RPS6KA5: variants seen among roughly 807,000 people sequenced by gnomAD.
RPS6KA5 encodes ribosomal protein S6 kinase A5, also known as ribosomal protein S6 kinase alpha-5.
RPS6KA5 carries 27 observed loss-of-function variants against 85.5 expected under a neutral mutation model. The ratio of observed to expected loss-of-function variants is 0.32; its 90% CI spans 0.23 to 0.44. The LOEUF is 0.44. Ranked by LOEUF, RPS6KA5 falls within the 20% of genes least tolerant of loss-of-function variation. The pLI, the probability that RPS6KA5 is intolerant of heterozygous loss-of-function variation, is 1.00. For missense variants in RPS6KA5, 811 were observed against 980.9 expected (o/e 0.83, Z 2.31); for synonymous variants, 334 against 348.2 (o/e 0.96, Z 0.46).
chr14:91,056,867 C>CTTTTT (rs34807092), intron 1 of RPS6KA5, among the ~76,000 whole-genome samples: 1,078 of 38,956 alleles, frequency 0.028, 184 homozygotes, highest in East Asian at 0.11. Flanking sequence ...GCAGTATTAT[C>CTTTTT]TTTTTTTTTT....
chr14:90,926,664 AGTGTGTGT>A (rs59637202), intron 5 of RPS6KA5, among the ~76,000 whole-genome samples: 10 of 143,226 alleles, frequency 7.0e-5, no homozygotes, highest in Non-Finnish European at 1.1e-4. Context: ...TATATATTTA[AGTGTGTGT>A]GTGTGTGTGT....
intron 7 of RPS6KA5, among the ~76,000 whole-genome samples, chr14:90,912,264 C>CA (rs2035866045): frequency 6.6e-6 from 1 of 152,190 alleles, no homozygotes; most frequent in Non-Finnish European, 1.5e-5. Flanking sequence ...AATTATTCAA[C>CA]AAATAGTCCA....
In RPS6KA5 at chr14:90,883,544, T is replaced by TC. The variant is rs534212503; in HGVS notation, c.1836+6942dup. Reference sequence around the variant, plus strand: ...TTGTTAATACATTTTGTCTTGATGTTCCCCACATACTCCTTTAGGTCTTTC... The same window carrying TC: ...TTGTTAATACATTTTGTCTTGATGTTCCCCCACATACTCCTTTAGGTCTTTC... On this transcript the variant is annotated intron_variant, in intron 14 of 16. Coordinates refer to ENST00000614987, the MANE Select transcript of RPS6KA5 (RefSeq NM_004755.4). 2.6e-3 allele frequency among the ~76,000 whole-genome samples: 389 copies of TC among 152,308 alleles called. 4 individuals carry two copies. Among genetic ancestry groups the TC allele is most frequent in the Non-Finnish European group, 1.5e-3 (100 of 68,036 alleles).
At chr14:90,911,975 G>C (rs2035846392) in intron 7 of RPS6KA5, among the ~76,000 whole-genome samples, 1 of 152,078 alleles carries the variant, frequency 6.6e-6, no homozygotes, top group Admixed American at 6.6e-5. Context: ...AACCTCCCAT[G>C]TGCCACTGGG....
chr14:90,953,671 T>G, intron 3 of RPS6KA5, among the ~76,000 whole-genome samples: 1 of 152,160 alleles, frequency 6.6e-6, no homozygotes, highest in Non-Finnish European at 1.5e-5. Context: ...AAGGAATGCA[T>G]TCCTGGGGTG....
At chr14:91,032,663 T>G (rs929252123) in intron 1 of RPS6KA5, among the ~76,000 whole-genome samples, 1 of 151,994 alleles carries the variant, frequency 6.6e-6, no homozygotes, top group African/African-American at 2.4e-5. Flanking sequence ...CTGAGTGAGT[T>G]TTAACAGGAA....
At chr14:90,926,343 A>G (rs1270779151) in intron 5 of RPS6KA5, among the ~76,000 whole-genome samples, 1 of 151,436 alleles carries the variant, frequency 6.6e-6, no homozygotes, top group East Asian at 1.9e-4. Flanking sequence ...GTGAGCAGAG[A>G]TCGCACCATT....
At chr14:90,947,954 G>T (rs1031902698) in intron 3 of RPS6KA5, among the ~76,000 whole-genome samples, 3 of 152,266 alleles carry the variant, frequency 2.0e-5, no homozygotes, top group African/African-American at 7.2e-5. Flanking sequence ...CCTTTCATTT[G>T]TAATAATTGC....
chr14:91,031,166 T>C (rs1422082427), intron 1 of RPS6KA5, among the ~76,000 whole-genome samples: 1 of 152,160 alleles, frequency 6.6e-6, no homozygotes, highest in African/African-American at 2.4e-5. Context: ...GAAATAAGAA[T>C]GGTATCAAAC....
At chr14:90,916,244 G>A (rs1346569268) in intron 7 of RPS6KA5, among the ~76,000 whole-genome samples, 1 of 152,134 alleles carries the variant, frequency 6.6e-6, no homozygotes, top group African/African-American at 2.4e-5. Context: ...TCCTTTCCAT[G>A]ATGGCACAAC....
In RPS6KA5 at chr14:90,875,187, C is replaced by T; in HGVS notation, c.1996+14G>A. 6.2e-7 allele frequency: 1 copy of T among 1,605,654 alleles called. No individual in the cohort carries two copies. The highest frequency in any genetic ancestry group is 1.1e-5 in the South Asian group (1 of 90,272). On this transcript the variant is annotated intron_variant, in intron 15 of 16. Transcript: ENST00000614987. Reference sequence around the variant, plus strand: ...ACACATCATATAAAATGTAAAATTTCATTAGATTCTTACCTTGGATCAAAT... The same window carrying T: ...ACACATCATATAAAATGTAAAATTTTATTAGATTCTTACCTTGGATCAAAT...
intron 2 of RPS6KA5, among the ~76,000 whole-genome samples, chr14:90,988,879 G>A (rs537952075): frequency 1.2e-3 from 187 of 152,170 alleles, no homozygotes; most frequent in Middle Eastern, 3.4e-3. Flanking sequence ...TTATGCTTAA[G>A]GTAACATACA....
At chr14:90,916,357 T>C (rs1490129313) in intron 7 of RPS6KA5, among the ~76,000 whole-genome samples, 1 of 152,182 alleles carries the variant, frequency 6.6e-6, no homozygotes, top group Non-Finnish European at 1.5e-5. Flanking sequence ...AAATTTGATA[T>C]ACTAGAAAAA....
Position 90,858,150 on chromosome 14 carries a change from A to C in RPS6KA5, c.*13924T>G, listed in dbSNP as rs998002365. ...TTTCCGGTTTAGAAAAAAAAAGTAC[A>C]GCTCACTGCCAGCATTCATTTAATT... On this transcript the variant is annotated 3_prime_UTR_variant, in exon 17 of 17. Coordinates refer to ENST00000614987, the MANE Select transcript of RPS6KA5 (RefSeq NM_004755.4). 3 of 152,242 alleles carry C rather than the reference A, an allele frequency of 2.0e-5. No homozygotes were observed. Among genetic ancestry groups the C allele is most frequent in the Non-Finnish European group, 4.4e-5 (3 of 68,042 alleles). 9.4% of individuals were successfully genotyped at this position (152,242 alleles called of 1,614,324 possible).
At chr14:90,996,617 T>G (rs1193592168) in intron 2 of RPS6KA5, among the ~76,000 whole-genome samples, 1 of 152,080 alleles carries the variant, frequency 6.6e-6, no homozygotes, top group Non-Finnish European at 1.5e-5. Flanking sequence ...TAAATAATAA[T>G]TGGGTTAATC....
In RPS6KA5 at chr14:90,864,191, G is replaced by C. The variant is rs2032701575; in HGVS notation, c.*7883C>G. ...GTCTCGCTCTGTTGCCTAGGCTAGA[G>C]TGTAGTGGCATGACCTTGGCTCACT... On this transcript the variant is annotated 3_prime_UTR_variant, in exon 17 of 17. Coordinates refer to ENST00000614987, the MANE Select transcript of RPS6KA5 (RefSeq NM_004755.4). 2.0e-5 allele frequency: 3 copies of C among 152,456 alleles called. No homozygotes were observed. In the South Asian group the frequency reaches 6.2e-4, roughly 32 times the overall value. The allele number at this position is 152,456 out of a possible 1,614,324, so 9.4% of individuals were successfully genotyped here. A position where few individuals can be genotyped will look rare whatever the true frequency, so the allele number is the denominator to read the frequency against.
At chr14:90,976,202 G>GAAAA (rs5810526) in intron 3 of RPS6KA5, among the ~76,000 whole-genome samples, 46 of 108,962 alleles carry the variant, frequency 4.2e-4, no homozygotes, top group South Asian at 9.4e-4. Flanking sequence ...TAAGAGAACA[G>GAAAA]AAAAAAAAAA....
At chr14:90,922,272 T>C (rs2036434347) in intron 6 of RPS6KA5, among the ~76,000 whole-genome samples, 1 of 152,194 alleles carries the variant, frequency 6.6e-6, no homozygotes, top group Non-Finnish European at 1.5e-5. Context: ...GTGATACACA[T>C]GACTATATGT....
intron 2 of RPS6KA5, among the ~76,000 whole-genome samples, chr14:90,999,958 G>A (rs753827957): frequency 6.6e-6 from 1 of 152,066 alleles, no homozygotes; most frequent in Admixed American, 6.5e-5. Context: ...TGTACATCCC[G>A]GAGAATTTTC....
Sources: allele counts gnomAD v4.1 joint callset (sites outside exome capture counted in the v4.1 genomes callset), GRCh38; gene constraint gnomAD v4.1.1; transcripts MANE v1.5; gene names NCBI Gene and HGNC (gene_info 2026-07-23, HGNC 2026-07-21).